TIGAR: variants seen among roughly 807,000 people sequenced by gnomAD.
TIGAR encodes the protein TP53 induced glycolysis regulatory phosphatase.
TIGAR carries 7 observed loss-of-function variants against 17.9 expected under a neutral mutation model. The observed-to-expected ratio is 0.39, with a 90% CI of 0.22 to 0.73. TIGAR has a LOEUF of 0.73. Among genes scored for constraint, TIGAR ranks in the 30% least tolerant of loss-of-function variants. The probability of loss-of-function intolerance (pLI) is 0.42; values close to 1 mark genes in which losing one functional copy is unlikely to be tolerated. For missense variants in TIGAR, 258 were observed against 327.4 expected, an observed-to-expected ratio of 0.79 and a Z score of 1.64; for synonymous variants, 94 against 108.6, an observed-to-expected ratio of 0.87 and a Z score of 0.84.
rs1864938411 is a variant in TIGAR, at chr12:4,358,556, A to G, written c.*5865A>G. On this transcript the variant is annotated 3_prime_UTR_variant, in exon 6 of 6. Coordinates refer to ENST00000179259, the MANE Select transcript of TIGAR (RefSeq NM_020375.3). ...CATTGGAGAGTAACTTTGAGTCCTCATACTCTTCCCCTATAAAATTTCAAT... is the reference window on the plus strand; with the variant it reads ...CATTGGAGAGTAACTTTGAGTCCTCGTACTCTTCCCCTATAAAATTTCAAT... Among the ~76,000 whole-genome samples the G allele has an allele frequency of 6.6e-6, 1 of 152,130 alleles. No homozygotes were observed. The highest frequency in any genetic ancestry group is 6.5e-5 in the Admixed American group (1 of 15,276).
At chr12:4,335,922 ATCT>A (rs1450855430) in intron 2 of TIGAR, among the ~76,000 whole-genome samples, 2 of 152,170 alleles carry the variant, frequency 1.3e-5, no homozygotes, top group African/African-American at 2.4e-5. Context: ...TTATTAAAAG[ATCT>A]ATTTGGTTAT....
chr12:4,334,471 T>G (rs7963059), intron 2 of TIGAR, among the ~76,000 whole-genome samples: 3 of 152,184 alleles, frequency 2.0e-5, no homozygotes, highest in Non-Finnish European at 2.9e-5. Flanking sequence ...GGGGGACACA[T>G]TTACTCTGAC....
intron 2 of TIGAR, among the ~76,000 whole-genome samples, chr12:4,333,880 G>A (rs577097138): frequency 6.6e-4 from 100 of 152,320 alleles, no homozygotes; most frequent in Non-Finnish European, 1.1e-3. Flanking sequence ...GATTACAGGC[G>A]TGAGCCACCA....
chr12:4,328,081 A>G (rs1026945451), intron 1 of TIGAR, among the ~76,000 whole-genome samples: 6 of 152,252 alleles, frequency 3.9e-5, no homozygotes, highest in African/African-American at 1.4e-4. Flanking sequence ...ATTAAAAATG[A>G]CAGGTTCCCC....
intron 2 of TIGAR, among the ~76,000 whole-genome samples, chr12:4,334,488 T>C (rs967083385): frequency 6.6e-6 from 1 of 152,208 alleles, no homozygotes; most frequent in South Asian, 2.1e-4. Flanking sequence ...TGACAATACC[T>C]AATAAAGTAT....
intron 3 of TIGAR, among the ~76,000 whole-genome samples, chr12:4,342,253 T>C (rs371727791): frequency 1.3e-5 from 2 of 150,226 alleles, no homozygotes; most frequent in South Asian, 4.1e-4. Flanking sequence ...ACCAAATCTA[T>C]GTCTGATTGG....
chr12:4,338,452 C>G (rs11063091), intron 3 of TIGAR, among the ~76,000 whole-genome samples: 15,387 of 152,136 alleles, frequency 0.1, 982 homozygotes, highest in East Asian at 0.2. Flanking sequence ...GGAGACAAAA[C>G]TTGGAATTTG....
rs1160594690 is a variant in TIGAR, at chr12:4,358,297, A to G, written c.*5606A>G. On this transcript the variant is annotated 3_prime_UTR_variant, in exon 6 of 6. Transcript: ENST00000179259. ...TTAGCTGGGCGTCTCCAAAAAAAAA[A>G]AAAAAGAAAAAGAAAAATCACTGAG... is the stretch of plus-strand genomic sequence containing the variant. Among the ~76,000 whole-genome samples, 10 of 151,938 alleles carry G rather than the reference A, an allele frequency of 6.6e-5. No individual in the cohort carries two copies. The highest frequency in any genetic ancestry group is 7.4e-5 in the Non-Finnish European group (5 of 67,978).
intron 3 of TIGAR, among the ~76,000 whole-genome samples, chr12:4,338,761 T>C (rs1053894903): frequency 2.6e-5 from 4 of 151,844 alleles, no homozygotes; most frequent in African/African-American, 9.7e-5. Context: ...GAGGATTGCC[T>C]GAGCTCAGGA....
intron 2 of TIGAR, among the ~76,000 whole-genome samples, chr12:4,335,136 C>T (rs1232014032): frequency 6.6e-6 from 1 of 152,108 alleles, no homozygotes; most frequent in Non-Finnish European, 1.5e-5. Flanking sequence ...CTCCTGGGCT[C>T]AAGTGATTCT....
intron 3 of TIGAR, among the ~76,000 whole-genome samples, chr12:4,342,999 A>T (rs754023180): frequency 1.1e-4 from 16 of 152,188 alleles, no homozygotes; most frequent in Non-Finnish European, 2.1e-4. Flanking sequence ...TCCGTCTCAC[A>T]TGCAGAGACA....
chr12:4,335,317 G>A (rs1191395795), intron 2 of TIGAR, among the ~76,000 whole-genome samples: 2 of 151,800 alleles, frequency 1.3e-5, no homozygotes, highest in Non-Finnish European at 2.9e-5. Flanking sequence ...GATTGCAGGC[G>A]TGAGCCACCA....
chr12:4,324,656 T>C, intron 1 of TIGAR: 2 of 1,266,884 alleles, frequency 1.6e-6, no homozygotes, highest in South Asian at 1.3e-5. Context: ...GAGTTCTGTT[T>C]CCGCCGCAGG....
intron 1 of TIGAR, chr12:4,324,491 T>C: frequency 2.5e-6 from 4 of 1,607,126 alleles, no homozygotes; most frequent in Non-Finnish European, 3.4e-6. Context: ...TCCGGCTTGA[T>C]CTCCACCTGG....
In TIGAR at chr12:4,354,733, CTTTTTTTTTT is replaced by C. The variant is rs763466512; in HGVS notation, c.*2048_*2057del. 1 of 132,250 alleles carries C rather than the reference CTTTTTTTTTT, an allele frequency of 7.6e-6. No individual in the cohort carries two copies. Among genetic ancestry groups the C allele is most frequent in the Non-Finnish European group, 1.6e-5 (1 of 61,016 alleles). The allele number at this position is 132,250 out of a possible 1,614,324, so 8.2% of individuals were successfully genotyped here. ...AGTTTTTATTTTCTTTGCTTTTTTT[CTTTTTTTTTT>C]TTTTTGGAGACAGAGTCTCTCTCTG... On this transcript the variant is annotated 3_prime_UTR_variant, in exon 6 of 6. Transcript: ENST00000179259.
intron 4 of TIGAR, among the ~76,000 whole-genome samples, chr12:4,350,747 A>G (rs1017168068): frequency 6.6e-6 from 1 of 151,662 alleles, no homozygotes; most frequent in Non-Finnish European, 1.5e-5. Context: ...ACGGCACCCC[A>G]GCCTGGGTGA....
At chr12:4,324,560 T>C (rs1591658151) in intron 1 of TIGAR, 1 of 1,606,896 alleles carries the variant, frequency 6.2e-7, no homozygotes, top group African/African-American at 1.3e-5. Flanking sequence ...GGCAGGATGA[T>C]CATGTCCCGC....
intron 1 of TIGAR, among the ~76,000 whole-genome samples, chr12:4,329,131 T>C (rs1864577411): frequency 1.3e-5 from 2 of 152,124 alleles, no homozygotes; most frequent in African/African-American, 4.8e-5. Flanking sequence ...TCATATATCT[T>C]GGTGAGCATT....
chr12:4,346,522 G>A (rs963472946), intron 3 of TIGAR, among the ~76,000 whole-genome samples: 4 of 151,918 alleles, frequency 2.6e-5, no homozygotes, highest in Non-Finnish European at 4.4e-5. Context: ...ACCAAACACC[G>A]CGTTTTCTCA....
Sources: allele counts gnomAD v4.1 joint callset (sites outside exome capture counted in the v4.1 genomes callset), GRCh38; gene constraint gnomAD v4.1.1; transcripts MANE v1.5; gene names NCBI Gene and HGNC (gene_info 2026-07-23, HGNC 2026-07-21).